Variants in MAP2K5 observed in about 807,000 individuals in gnomAD.
MAP2K5 encodes the protein mitogen-activated protein kinase kinase 5, also known as dual specificity mitogen-activated protein kinase kinase 5.
In MAP2K5, 49 loss-of-function variants were observed where a neutral mutation model predicts 83.1. That is an observed-to-expected ratio of 0.59 (90% confidence interval 0.47 to 0.75). MAP2K5 has a LOEUF of 0.75. MAP2K5 is among the 30% of genes least tolerant of loss of function. The probability of loss-of-function intolerance (pLI) is 0.00; values close to 1 mark genes in which losing one functional copy is unlikely to be tolerated. For synonymous variants in MAP2K5, 202 were observed against 191.8 expected, an observed-to-expected ratio of 1.05 and a Z score of -0.44; for missense variants, 457 against 557.5, an observed-to-expected ratio of 0.82 and a Z score of 1.82.
intron 15 of MAP2K5, among the ~76,000 whole-genome samples, chr15:67,697,826 C>T (rs922979026): frequency 6.6e-6 from 1 of 152,054 alleles, no homozygotes; most frequent in African/African-American, 2.4e-5. Flanking sequence ...AATCTGTAAT[C>T]GAAAGCGTAA....
rs1347445564 is a variant in MAP2K5 at position 67,786,059 on chromosome 15, GT to G, written c.1242+13308del. On this transcript the variant is annotated intron_variant, in intron 21 of 21. Coordinates refer to ENST00000178640, the MANE Select transcript of MAP2K5 (RefSeq NM_145160.3). The surrounding 1 kb of genome is among the most constrained non-coding windows in gnomAD (Gnocchi z 4.7). ...CTTACAGAAGATGGAGGTTATGAAA[GT>G]GTTTGTAAACTATGAAGTGCGAGAC... Among the ~76,000 whole-genome samples, 2 of 151,294 alleles carry G rather than the reference GT, an allele frequency of 1.3e-5. No homozygotes were observed. Among genetic ancestry groups the G allele is most frequent in the African/African-American group, 4.9e-5 (2 of 41,114 alleles).
chr15:67,598,935 G>A (rs551953925), intron 7 of MAP2K5, among the ~76,000 whole-genome samples: 16 of 152,276 alleles, frequency 1.1e-4, no homozygotes, highest in Admixed American at 6.5e-4. Flanking sequence ...AGGTTGTTAC[G>A]GACATGTTTA....
At position 67,698,757 on chromosome 15, in the gene MAP2K5, G is replaced by A. The variant is rs117484260; in HGVS notation, c.973-4580G>A. 7.0e-4 allele frequency among the ~76,000 whole-genome samples: 106 copies of A among 152,094 alleles called. 1 individual carries two copies. The East Asian group carries it at 7.3e-3, about 11-fold the overall frequency. ...CAGTTCTTGGTAATTGTCTTTACTC[G>A]GAATAAAACACATACACATTGCATG... On this transcript the variant is annotated intron_variant, in intron 15 of 21. Coordinates refer to ENST00000178640, the MANE Select transcript of MAP2K5 (RefSeq NM_145160.3). The surrounding 1 kb of genome is among the most constrained non-coding windows in gnomAD (Gnocchi z 4.5).
intron 5 of MAP2K5, among the ~76,000 whole-genome samples, chr15:67,586,479 G>A (rs1284930627): frequency 6.6e-6 from 1 of 152,036 alleles, no homozygotes; most frequent in Non-Finnish European, 1.5e-5. Flanking sequence ...GTTCTGCTTG[G>A]TTGCAGAGCT....
chr15:67,560,513 A>G (rs906258055), intron 2 of MAP2K5, among the ~76,000 whole-genome samples: 4 of 152,238 alleles, frequency 2.6e-5, no homozygotes, highest in African/African-American at 7.2e-5. Flanking sequence ...TTTTATCCCC[A>G]GCCTTTATTA....
At chr15:67,574,860 C>A (rs2085022850) in intron 3 of MAP2K5, among the ~76,000 whole-genome samples, 1 of 151,974 alleles carries the variant, frequency 6.6e-6, no homozygotes, top group South Asian at 2.1e-4. Context: ...GAGTGAGACT[C>A]CATCTCAAAA....
Position 67,543,373 on chromosome 15 carries a change from A to T in MAP2K5, c.38A>T (p.Glu13Val), listed in dbSNP as rs753336851. The part of the protein sequence containing the change: ...WLALGPFPAM[E>V]NQVLVIRIKI... ...GCCCTTGGCCCCTTTCCTGCCATGG[A>T]GAACCAGGTGCTGGTAATTCGCATC... is the stretch of plus-strand genomic sequence containing the variant. Residue 13 changes from glutamate (E) to valine (V), a missense_variant, in exon 1 of 22, where the codon GAG (glutamate) becomes GTG (valine). Coordinates refer to ENST00000178640, the MANE Select transcript of MAP2K5 (RefSeq NM_145160.3). The surrounding 1 kb of genome is among the most constrained non-coding windows in gnomAD (Gnocchi z 4.3). The T allele has an allele frequency of 1.9e-6, 3 of 1,614,210 alleles. No individual in the cohort carries two copies. Among genetic ancestry groups the T allele is most frequent in the East Asian group, 2.2e-5 (1 of 44,876 alleles).
intron 13 of MAP2K5, among the ~76,000 whole-genome samples, chr15:67,679,282 A>T (rs1262684329): frequency 1.3e-5 from 2 of 152,116 alleles, no homozygotes; most frequent in African/African-American, 4.8e-5. Flanking sequence ...TGGCTAATTG[A>T]TGCAGAATGT....
chr15:67,633,339 A>G (rs2086518426), intron 9 of MAP2K5, among the ~76,000 whole-genome samples: 1 of 152,240 alleles, frequency 6.6e-6, no homozygotes, highest in African/African-American at 2.4e-5. Flanking sequence ...ACTCTAGGTT[A>G]TTTACTCCAG....
chr15:67,746,574 G>A lies in MAP2K5; in HGVS notation c.1075-1657G>A, dbSNP rs983979404. On this transcript the variant is annotated intron_variant, in intron 17 of 21. Coordinates refer to ENST00000178640, the MANE Select transcript of MAP2K5 (RefSeq NM_145160.3). This position sits in a 1 kb window ranked among gnomAD's most constrained non-coding sequence, Gnocchi z 4.1. Reference sequence around the variant, plus strand: ...GTTACTGAAATTCTTAACCACTTCCGGGTGGTGGTTACAGCTCCGCCTTCC... The same window carrying A: ...GTTACTGAAATTCTTAACCACTTCCAGGTGGTGGTTACAGCTCCGCCTTCC... 3.3e-5 allele frequency among the ~76,000 whole-genome samples: 5 copies of A among 151,984 alleles called. No homozygotes were observed. Among genetic ancestry groups the A allele is most frequent in the African/African-American group, 4.8e-5 (2 of 41,342 alleles).
intron 3 of MAP2K5, among the ~76,000 whole-genome samples, chr15:67,574,716 A>C (rs1044071350): frequency 4.6e-5 from 7 of 151,018 alleles, no homozygotes; most frequent in South Asian, 2.1e-4. Context: ...AAAATACAAA[A>C]ATTAGCTGGG....
At chr15:67,599,057 C>T (rs1220657418) in intron 7 of MAP2K5, among the ~76,000 whole-genome samples, 1 of 152,196 alleles carries the variant, frequency 6.6e-6, no homozygotes, top group African/African-American at 2.4e-5. Flanking sequence ...CAAACAGCAA[C>T]TCTGCTAGTT....
chr15:67,582,820 C>G (rs1567288725), intron 4 of MAP2K5, among the ~76,000 whole-genome samples: 1 of 74,886 alleles, frequency 1.3e-5, no homozygotes, highest in African/African-American at 4.1e-5. Context: ...TACATTGTCT[C>G]AAAACACACA....
At chr15:67,803,835 TC>T (rs2090748685) in intron 21 of MAP2K5, among the ~76,000 whole-genome samples, 1 of 152,186 alleles carries the variant, frequency 6.6e-6, no homozygotes, top group Non-Finnish European at 1.5e-5. Context: ...GGAATTGCAA[TC>T]TGAATATTGA....
intron 9 of MAP2K5, among the ~76,000 whole-genome samples, chr15:67,633,504 C>A (rs2086523341): frequency 6.6e-6 from 1 of 152,064 alleles, no homozygotes. Flanking sequence ...GGCAAGGGGC[C>A]AACAGCTTTT....
At chr15:67,688,344 T>G (rs937845699) in intron 13 of MAP2K5, among the ~76,000 whole-genome samples, 1 of 152,220 alleles carries the variant, frequency 6.6e-6, no homozygotes, top group Non-Finnish European at 1.5e-5. Context: ...ACTTAGGTTT[T>G]AAAGGGATCA....
Position 67,806,777 on chromosome 15 carries a change from G to C in MAP2K5, c.*27G>C, listed in dbSNP as rs1409371094. ...GCTGCCGCAGGGCACTGAAAGCCCAGGACCAGTAACCAAGGAGAACAACCC... is the reference window on the plus strand; with the variant it reads ...GCTGCCGCAGGGCACTGAAAGCCCACGACCAGTAACCAAGGAGAACAACCC... On this transcript the variant is annotated 3_prime_UTR_variant, in exon 22 of 22. Transcript: ENST00000178640. 6.3e-7 allele frequency: 1 copy of C among 1,583,424 alleles called. No homozygotes were observed. The highest frequency in any genetic ancestry group is 8.5e-7 in the Non-Finnish European group (1 of 1,170,036).
chr15:67,761,070 A>G (rs1355496113), intron 19 of MAP2K5, among the ~76,000 whole-genome samples: 1 of 152,102 alleles, frequency 6.6e-6, no homozygotes, highest in East Asian at 1.9e-4. Flanking sequence ...TGGAGGCAGC[A>G]TTCCAGGGAG....
chr15:67,704,959 A>G (rs2088513719), intron 16 of MAP2K5, among the ~76,000 whole-genome samples: 2 of 152,202 alleles, frequency 1.3e-5, no homozygotes, highest in Non-Finnish European at 2.9e-5. Flanking sequence ...CTAGTTTTTT[A>G]GGTGACCCTG....
Sources: gnomAD v4.1 joint callset for allele counts (sites outside exome capture counted in the v4.1 genomes callset) on GRCh38, gnomAD v4.1.1 for gene constraint, Gnocchi (gnomAD v3.1) non-coding constraint, MANE v1.5 for transcripts, NCBI Gene and HGNC (gene_info 2026-07-23, HGNC 2026-07-21) for gene names.